The following GAB1 variants were observed in gnomAD, a reference collection of about 807,000 sequenced individuals.
The protein encoded by GAB1 is GRB2-associated-binding protein 1.
Under a neutral mutation model 66.5 loss-of-function variants are expected in GAB1, and 19 were observed. The ratio of observed to expected loss-of-function variants is 0.29; its 90% confidence interval spans 0.20 to 0.42. The LOEUF (loss-of-function observed/expected upper bound fraction) is 0.42, where lower values mean the gene tolerates loss of function less well. Among genes scored for constraint, GAB1 ranks in the 10% least tolerant of loss-of-function variants. The probability of loss-of-function intolerance (pLI) is 1.00; values close to 1 mark genes in which losing one functional copy is unlikely to be tolerated. For synonymous variants in GAB1, 294 were observed against 301.4 expected (o/e 0.98, Z 0.25); for missense variants, 732 against 858.5 (o/e 0.85, Z 1.84).
intron 1 of GAB1, among the ~76,000 whole-genome samples, chr4:143,401,682 T>G (rs1235933407): frequency 6.6e-6 from 1 of 152,174 alleles, no homozygotes; most frequent in Non-Finnish European, 1.5e-5. Flanking sequence ...AATTAAAAAT[T>G]TAAACCTGCC....
intron 1 of GAB1, among the ~76,000 whole-genome samples, chr4:143,412,432 A>G (rs185868116): frequency 5.3e-5 from 8 of 151,310 alleles, no homozygotes; most frequent in East Asian, 1.9e-4. Context: ...TTACAAGTCT[A>G]CTCTCTCAGG....
intron 1 of GAB1, among the ~76,000 whole-genome samples, chr4:143,394,456 A>G (rs1296664595): frequency 6.6e-6 from 1 of 152,160 alleles, no homozygotes; most frequent in Non-Finnish European, 1.5e-5. Context: ...TGACTTGTTT[A>G]TTTTCTATTG....
intron 1 of GAB1, among the ~76,000 whole-genome samples, chr4:143,408,560 T>C (rs949974011): frequency 3.3e-5 from 5 of 152,210 alleles, no homozygotes; most frequent in Non-Finnish European, 7.3e-5. Flanking sequence ...AACAGTTATC[T>C]TGTGGGCATT....
intron 2 of GAB1, among the ~76,000 whole-genome samples, chr4:143,432,037 G>A (rs1055667697): frequency 2.0e-5 from 3 of 152,178 alleles, no homozygotes; most frequent in Admixed American, 6.5e-5. Context: ...TGCTGACAGC[G>A]TGGAGAAAAG....
intron 6 of GAB1, among the ~76,000 whole-genome samples, chr4:143,452,589 T>C (rs189941598): frequency 2.0e-5 from 3 of 152,318 alleles, no homozygotes; most frequent in Non-Finnish European, 4.4e-5. Flanking sequence ...TAAATGACAT[T>C]GGGCAAATCC....
intron 2 of GAB1, among the ~76,000 whole-genome samples, chr4:143,418,261 A>G (rs1732803039): frequency 6.6e-6 from 1 of 152,242 alleles, no homozygotes; most frequent in Non-Finnish European, 1.5e-5. Context: ...TTAAGGGTTC[A>G]GTTGTTTTCG....
intron 8 of GAB1, among the ~76,000 whole-genome samples, chr4:143,465,033 C>T (rs1735707894): frequency 6.6e-6 from 1 of 152,102 alleles, no homozygotes; most frequent in Admixed American, 6.6e-5. Context: ...ACATTAATAT[C>T]AACAGTGCAC....
At chr4:143,354,984 A>G (rs867067154) in intron 1 of GAB1, among the ~76,000 whole-genome samples, 3 of 152,226 alleles carry the variant, frequency 2.0e-5, no homozygotes, top group African/African-American at 4.8e-5. Flanking sequence ...ACTAAGTTCT[A>G]GCATTGAAAA....
rs1393547440 is a variant in GAB1, at chr4:143,441,823, T to C, written c.1585+1441T>C. Among the ~76,000 whole-genome samples, 5 of 152,244 alleles carry C rather than the reference T, an allele frequency of 3.3e-5. No individual in the cohort carries two copies. In the East Asian group the frequency reaches 9.6e-4, roughly 29 times the overall value. On this transcript the variant is annotated intron_variant, in intron 6 of 9. Coordinates refer to ENST00000262994, the MANE Select transcript of GAB1 (RefSeq NM_002039.4). ...CTTCTATGGCCTCAGTTCTGCCTCC[T>C]AGCTGCTTTTTATGTGCCCTTGCAG...
At chr4:143,454,715 C>T (rs1173268599) in intron 6 of GAB1, among the ~76,000 whole-genome samples, 2 of 152,100 alleles carry the variant, frequency 1.3e-5, no homozygotes, top group African/African-American at 2.4e-5. Context: ...GCTTTTTCCC[C>T]CAGCCCTCAA....
chr4:143,373,868 A>ATATATATATATATATGTATATAT (rs1560725949), intron 1 of GAB1, among the ~76,000 whole-genome samples: 1 of 93,670 alleles, frequency 1.1e-5, no homozygotes, highest in Non-Finnish European at 2.1e-5. Flanking sequence ...TAAATAAATA[A>ATATATATATATATATGTATATAT]ATATATATAT....
chr4:143,377,817 A>G (rs1015600829), intron 1 of GAB1, among the ~76,000 whole-genome samples: 2 of 152,160 alleles, frequency 1.3e-5, no homozygotes, highest in East Asian at 1.9e-4. Flanking sequence ...AGCTCTGTGT[A>G]TGTCTGTATA....
intron 9 of GAB1, among the ~76,000 whole-genome samples, chr4:143,466,468 ATTTAACAAATTCTTTTT>A (rs1735794249): frequency 1.7e-5 from 2 of 118,876 alleles, no homozygotes; most frequent in African/African-American, 6.3e-5. Flanking sequence ...TGAAATAGTT[ATTTAACAAATTCTTTTT>A]TTTTTTTTTT....
At position 143,337,174 on chromosome 4, in the gene GAB1, C is replaced by T. The variant is rs774361896; in HGVS notation, c.-15C>T. 9 of 1,567,804 alleles carry T rather than the reference C, an allele frequency of 5.7e-6. No individual in the cohort carries two copies. The highest frequency in any genetic ancestry group is 2.7e-5 in the African/African-American group (2 of 74,084). On this transcript the variant is annotated 5_prime_UTR_variant, in exon 1 of 10. Coordinates refer to ENST00000262994, the MANE Select transcript of GAB1 (RefSeq NM_002039.4). ...CCCCTCAGCTGCCCGGCCCGGAGCC[C>T]GAGACGCGCGCACCATGAGCGGTGG...
intron 2 of GAB1, chr4:143,425,303 A>G (rs753425547): frequency 1.3e-5 from 11 of 852,994 alleles, no homozygotes; most frequent in Non-Finnish European, 2.2e-5. Flanking sequence ...CTGGCCAGAG[A>G]GCCATGCTGA....
At chr4:143,457,613 TTTA>T in intron 6 of GAB1, 4 of 577,464 alleles carry the variant, frequency 6.9e-6, no homozygotes, top group South Asian at 3.0e-5. Flanking sequence ...TTTTTTTTTT[TTTA>T]CAGAATCCAT....
At chr4:143,387,812 C>G (rs1488930024) in intron 1 of GAB1, among the ~76,000 whole-genome samples, 1 of 152,174 alleles carries the variant, frequency 6.6e-6, no homozygotes, top group Non-Finnish European at 1.5e-5. Flanking sequence ...CTCTAAGGTC[C>G]TCCCGCTCCT....
At chr4:143,385,188 A>G (rs750678837) in intron 1 of GAB1, among the ~76,000 whole-genome samples, 5 of 152,160 alleles carry the variant, frequency 3.3e-5, no homozygotes, top group Admixed American at 6.5e-5. Flanking sequence ...TCTTCAAAAC[A>G]TAAGTGAGAG....
chr4:143,383,873 G>A (rs1268266056), intron 1 of GAB1, among the ~76,000 whole-genome samples: 3 of 152,084 alleles, frequency 2.0e-5, no homozygotes, highest in Non-Finnish European at 4.4e-5. Context: ...CCAGGAGTTC[G>A]AGACCAGCTT....
Sources: allele counts gnomAD v4.1 joint callset (sites outside exome capture counted in the v4.1 genomes callset), GRCh38; gene constraint gnomAD v4.1.1; transcripts MANE v1.5; gene names NCBI Gene and HGNC (gene_info 2026-07-23, HGNC 2026-07-21).